PPP3CA: variants seen among roughly 807,000 people sequenced by gnomAD.
The protein encoded by PPP3CA is CAM-PRP catalytic subunit.
PPP3CA carries 14 observed loss-of-function variants against 66.5 expected under a neutral mutation model. The observed-to-expected ratio is 0.21, with a 90% CI of 0.14 to 0.33. The LOEUF is 0.33. Among genes scored for constraint, PPP3CA ranks in the 10% least tolerant of loss-of-function variants. The probability of loss-of-function intolerance (pLI) is 1.00; values close to 1 mark genes in which losing one functional copy is unlikely to be tolerated. For missense variants in PPP3CA, 317 were observed against 639.5 expected (o/e 0.50, Z 5.44); for synonymous variants, 232 against 226.2 (o/e 1.03, Z -0.23).
At position 101,144,718 on chromosome 4, in the gene PPP3CA, A is replaced by G. The variant is rs181000528; in HGVS notation, c.260-35640T>C. ...TAGATCCTATAAATATAAATGATCA[A>G]CAAACATTTCTGAGCTAAATAGAAG... On this transcript the variant is annotated intron_variant, in intron 2 of 13. Coordinates refer to ENST00000394854, the MANE Select transcript of PPP3CA (RefSeq NM_000944.5). 1.1e-4 allele frequency among the ~76,000 whole-genome samples: 17 copies of G among 152,334 alleles called. No homozygotes were observed. The East Asian group carries it at 2.1e-3, about 19-fold the overall frequency.
chr4:101,202,869 C>G (rs1403054035), intron 1 of PPP3CA, among the ~76,000 whole-genome samples: 1 of 152,078 alleles, frequency 6.6e-6, no homozygotes, highest in Middle Eastern at 3.2e-3. Flanking sequence ...TGTCAGAAAC[C>G]TCCTTACTCA....
intron 8 of PPP3CA, among the ~76,000 whole-genome samples, chr4:101,075,017 C>A (rs1054423984): frequency 6.6e-5 from 10 of 152,256 alleles, no homozygotes; most frequent in Non-Finnish European, 1.3e-4. Flanking sequence ...TGGTGACAGG[C>A]AAGAGAGCTT....
chr4:101,253,633 A>AT (rs1281211787), intron 1 of PPP3CA, among the ~76,000 whole-genome samples: 1 of 152,078 alleles, frequency 6.6e-6, no homozygotes, highest in Non-Finnish European at 1.5e-5. Context: ...ACATTATCTG[A>AT]TTTTCTCTGT....
At chr4:101,110,677 T>A (rs1456521085) in intron 2 of PPP3CA, among the ~76,000 whole-genome samples, 1 of 152,224 alleles carries the variant, frequency 6.6e-6, no homozygotes, top group Non-Finnish European at 1.5e-5. Context: ...ATAAATAATT[T>A]TTTTATTCTT....
At chr4:101,346,328 T>C (rs948898862) in intron 1 of PPP3CA, among the ~76,000 whole-genome samples, 10 of 151,836 alleles carry the variant, frequency 6.6e-5, no homozygotes, top group Non-Finnish European at 1.5e-4. Context: ...CAATCACCCC[T>C]CCCTCTGCAG....
intron 2 of PPP3CA, among the ~76,000 whole-genome samples, chr4:101,125,109 A>AG (rs61070307): frequency 1.4e-3 from 206 of 152,248 alleles, no homozygotes; most frequent in African/African-American, 4.8e-3. Context: ...GCACATAGGC[A>AG]GGGGGGGTAT....
At chr4:101,225,577 G>T (rs1176919087) in intron 1 of PPP3CA, among the ~76,000 whole-genome samples, 2 of 151,780 alleles carry the variant, frequency 1.3e-5, no homozygotes, top group Non-Finnish European at 2.9e-5. Flanking sequence ...GTTCCAGAAT[G>T]CTGGTATCAG....
intron 1 of PPP3CA, among the ~76,000 whole-genome samples, chr4:101,301,329 A>G (rs1393698078): frequency 2.0e-5 from 3 of 150,918 alleles, no homozygotes; most frequent in African/African-American, 7.3e-5. Context: ...CCCTACTCAA[A>G]CATTTCCAAT....
chr4:101,302,000 A>T (rs1036534245), intron 1 of PPP3CA, among the ~76,000 whole-genome samples: 18 of 152,242 alleles, frequency 1.2e-4, no homozygotes, highest in African/African-American at 3.8e-4. Context: ...GAAAAAAATT[A>T]AAAATGAATG....
intron 1 of PPP3CA, among the ~76,000 whole-genome samples, chr4:101,313,816 A>T (rs1470533306): frequency 6.6e-6 from 1 of 152,200 alleles, no homozygotes; most frequent in Non-Finnish European, 1.5e-5. Flanking sequence ...ATTATACAAG[A>T]TACACATTGT....
chr4:101,026,143 T>C (rs1269621417), intron 13 of PPP3CA, 82 bp from the exon 14 acceptor site: 10 of 1,230,216 alleles, frequency 8.1e-6, no homozygotes, highest in Non-Finnish European at 1.1e-5. Flanking sequence ...CAGGTGATGT[T>C]AGAGATTTCT....
chr4:101,196,806 G>T (rs1328108524), intron 1 of PPP3CA, among the ~76,000 whole-genome samples: 1 of 152,160 alleles, frequency 6.6e-6, no homozygotes, highest in Non-Finnish European at 1.5e-5. Flanking sequence ...AGGCTTGGAA[G>T]CAATCATTCT....
chr4:101,278,705 C>T (rs1225804837), intron 1 of PPP3CA, among the ~76,000 whole-genome samples: 1 of 152,210 alleles, frequency 6.6e-6, no homozygotes, highest in African/African-American at 2.4e-5. Context: ...TCTGTTACAA[C>T]TTTTATCTTC....
intron 1 of PPP3CA, among the ~76,000 whole-genome samples, chr4:101,248,365 A>C (rs1327814348): frequency 6.6e-6 from 1 of 152,216 alleles, no homozygotes; most frequent in Non-Finnish European, 1.5e-5. Context: ...TAATGCATGC[A>C]ATACATAACT....
chr4:101,345,666 G>A (rs1420654585), intron 1 of PPP3CA, among the ~76,000 whole-genome samples: 1 of 152,134 alleles, frequency 6.6e-6, no homozygotes, highest in Non-Finnish European at 1.5e-5. Flanking sequence ...CTACACCTAG[G>A]AATACAAGGA....
intron 1 of PPP3CA, among the ~76,000 whole-genome samples, chr4:101,332,511 C>A (rs1191659601): frequency 6.6e-6 from 1 of 152,084 alleles, no homozygotes; most frequent in Non-Finnish European, 1.5e-5. Flanking sequence ...ATGGTAGGGC[C>A]CCCCAAATGA....
intron 1 of PPP3CA, among the ~76,000 whole-genome samples, chr4:101,341,309 C>T (rs1474654129): frequency 2.0e-5 from 3 of 151,058 alleles, no homozygotes; most frequent in Non-Finnish European, 4.4e-5. Flanking sequence ...CCACACCTGG[C>T]CAGTGGCAAT....
intron 2 of PPP3CA, among the ~76,000 whole-genome samples, chr4:101,121,893 T>G (rs987045699): frequency 1.3e-5 from 2 of 152,178 alleles, no homozygotes; most frequent in Non-Finnish European, 2.9e-5. Context: ...CTTTTATCAA[T>G]AAGGAGACAC....
chr4:101,148,441 T>C (rs1723035821), intron 2 of PPP3CA, among the ~76,000 whole-genome samples: 3 of 152,142 alleles, frequency 2.0e-5, no homozygotes, highest in Admixed American at 2.0e-4. Context: ...TGAAAGCTAA[T>C]TTATCTTTCT....
Sources: allele counts gnomAD v4.1 joint callset (sites outside exome capture counted in the v4.1 genomes callset), GRCh38; gene constraint gnomAD v4.1.1; transcripts MANE v1.5; gene names NCBI Gene and HGNC (gene_info 2026-07-23, HGNC 2026-07-21).